Variants in WDR25 observed in about 807,000 individuals in gnomAD.
The protein encoded by WDR25 is WD repeat-containing protein 25.
In WDR25, 35 loss-of-function variants were observed where a neutral mutation model predicts 47.7. The ratio of observed to expected loss-of-function variants is 0.73; its 90% CI spans 0.56 to 0.97. The LOEUF (loss-of-function observed/expected upper bound fraction) is 0.97. WDR25 is among the 50% of genes least tolerant of loss of function. The pLI, the probability that WDR25 is intolerant of heterozygous loss-of-function variation, is 0.00. For missense variants in WDR25, 634 were observed against 704.7 expected (o/e 0.90, Z 1.14); for synonymous variants, 248 against 278.9 (o/e 0.89, Z 1.10).
At chr14:100,504,923 G>A (rs949228475) in intron 4 of WDR25, among the ~76,000 whole-genome samples, 1 of 152,084 alleles carries the variant, frequency 6.6e-6, no homozygotes, top group African/African-American at 2.4e-5. Context: ...TTATTTTAGT[G>A]GGTGTGTAGT....
At chr14:100,459,832 T>C (rs1158599206) in intron 2 of WDR25, among the ~76,000 whole-genome samples, 1 of 147,416 alleles carries the variant, frequency 6.8e-6, no homozygotes, top group African/African-American at 2.5e-5. Context: ...CAGTTTATGG[T>C]ACTCTAGTCA....
intron 2 of WDR25, among the ~76,000 whole-genome samples, chr14:100,401,167 C>T (rs1015544121): frequency 1.3e-5 from 2 of 152,186 alleles, no homozygotes; most frequent in African/African-American, 4.8e-5. Flanking sequence ...CTCCGGGGCG[C>T]GTCGGCGGCT....
intron 2 of WDR25, among the ~76,000 whole-genome samples, chr14:100,427,745 G>C (rs929189972): frequency 1.3e-5 from 2 of 152,260 alleles, no homozygotes. Flanking sequence ...GAGAGAAATA[G>C]CTTCTGGCAG....
intron 2 of WDR25, among the ~76,000 whole-genome samples, chr14:100,413,728 AT>A (rs1409478468): frequency 6.6e-6 from 1 of 151,966 alleles, no homozygotes; most frequent in African/African-American, 2.4e-5. Context: ...ATTACTTTGA[AT>A]GGCAAAAACC....
At position 100,488,058 on chromosome 14, in the gene WDR25, T is replaced by C. The variant is rs1175059595; in HGVS notation, c.1101+3934T>C. Among the ~76,000 whole-genome samples, 1 of 152,206 alleles carries C rather than the reference T, an allele frequency of 6.6e-6. No homozygotes were observed. The highest frequency in any genetic ancestry group is 1.5e-5 in the Non-Finnish European group (1 of 68,046). On this transcript the variant is annotated intron_variant, in intron 4 of 6. Coordinates refer to ENST00000402312, the MANE Select transcript of WDR25 (RefSeq NM_001161476.3). The surrounding 1 kb of genome is among the most constrained non-coding windows in gnomAD (Gnocchi z 4.2). ...AGTGCTAAGTGTCAAGATTCTGGAC[T>C]TCTCTAGTCTAGCCCAATTCATTAC...
intron 4 of WDR25, among the ~76,000 whole-genome samples, chr14:100,501,363 G>A (rs1900917018): frequency 6.6e-6 from 1 of 152,094 alleles, no homozygotes; most frequent in Non-Finnish European, 1.5e-5. Flanking sequence ...TGCCCTCCAC[G>A]AGCTCATGAT....
chr14:100,529,500 A>G lies in WDR25; in HGVS notation c.1413+292A>G. The G allele has an allele frequency of 1.7e-6, 1 of 591,384 alleles. No homozygotes were observed. Among genetic ancestry groups the G allele is most frequent in the Admixed American group, 3.1e-5 (1 of 32,714 alleles). The allele number at this position is 591,384 out of a possible 1,614,324, so 36.6% of individuals were successfully genotyped here. A position where few individuals can be genotyped will look rare whatever the true frequency, so the allele number is the denominator to read the frequency against. ...AAATGGTCATGGGTGTCATTTCTGCATCCTTCCCTTTCCTCACTGAGGCCA... is the reference window on the plus strand; with the variant it reads ...AAATGGTCATGGGTGTCATTTCTGCGTCCTTCCCTTTCCTCACTGAGGCCA... On this transcript the variant is annotated intron_variant, in intron 6 of 6. Coordinates refer to ENST00000402312, the MANE Select transcript of WDR25 (RefSeq NM_001161476.3). The surrounding 1 kb of genome is among the most constrained non-coding windows in gnomAD (Gnocchi z 5.1).
chr14:100,424,581 C>T lies in WDR25; in HGVS notation c.822+42835C>T, dbSNP rs1196556189. ...CAAGGGGTTTAACTGCCTGTGGAGTCTGGGGCCCAGGGCCCTGCTGCCTGT... is the reference window on the plus strand; with the variant it reads ...CAAGGGGTTTAACTGCCTGTGGAGTTTGGGGCCCAGGGCCCTGCTGCCTGT... On this transcript the variant is annotated intron_variant, in intron 2 of 6. Coordinates refer to ENST00000402312, the MANE Select transcript of WDR25 (RefSeq NM_001161476.3). This position sits in a 1 kb window ranked among gnomAD's most constrained non-coding sequence, Gnocchi z 4.2. Among the ~76,000 whole-genome samples the T allele has an allele frequency of 6.6e-6, 1 of 152,188 alleles. No homozygotes were observed. The highest frequency in any genetic ancestry group is 6.5e-5 in the Admixed American group (1 of 15,284).
chr14:100,380,967 T>A lies in WDR25; in HGVS notation c.43T>A (p.Tyr15Asn). The A allele has an allele frequency of 6.2e-7, 1 of 1,614,220 alleles. No individual in the cohort carries two copies. The highest frequency in any genetic ancestry group is 8.5e-7 in the Non-Finnish European group (1 of 1,180,030). Residue 15 changes from tyrosine to asparagine, a missense_variant, in exon 2 of 7, where the codon TAT (tyrosine) becomes AAT (asparagine). Transcript: ENST00000402312. ...TLSLMASLVA[Y>N]DDSDSEAETE... The stretch of plus-strand genomic sequence containing the variant: ...GTCTTTAATGGCTTCATTGGTAGCG[T>A]ATGATGATTCGGACTCGGAGGCTGA...
At chr14:100,477,821 G>T (rs1416332356) in intron 3 of WDR25, among the ~76,000 whole-genome samples, 1 of 152,210 alleles carries the variant, frequency 6.6e-6, no homozygotes. Flanking sequence ...GCCGGGCGCC[G>T]TGGCTCACGC....
rs1227503518 is a variant in WDR25 at position 100,428,204 on chromosome 14, G to A, written c.823-39817G>A. 1.3e-5 allele frequency among the ~76,000 whole-genome samples: 2 copies of A among 152,226 alleles called. No individual in the cohort carries two copies. The highest frequency in any genetic ancestry group is 2.9e-5 in the Non-Finnish European group (2 of 68,032). On this transcript the variant is annotated intron_variant, in intron 2 of 6. Coordinates refer to ENST00000402312, the MANE Select transcript of WDR25 (RefSeq NM_001161476.3). The surrounding 1 kb of genome is among the most constrained non-coding windows in gnomAD (Gnocchi z 4.3). ...GGCACTGACCCGTCTAGAATTCTGT[G>A]TGCGGAGTGGAGGTGAGATGCTGAG...
At chr14:100,389,641 G>A (rs79446601) in intron 2 of WDR25, among the ~76,000 whole-genome samples, 10,274 of 152,238 alleles carry the variant, frequency 0.067, 595 homozygotes, top group African/African-American at 0.16. Flanking sequence ...CCCTCTGGCA[G>A]GCTTCCTGAA....
chr14:100,408,521 G>C (rs1897611522), intron 2 of WDR25, among the ~76,000 whole-genome samples: 1 of 151,690 alleles, frequency 6.6e-6, no homozygotes, highest in African/African-American at 2.4e-5. Context: ...CGCCCCCTCT[G>C]TGCCCCCCTC....
intron 4 of WDR25, among the ~76,000 whole-genome samples, chr14:100,524,218 C>T (rs2029999677): frequency 6.6e-6 from 1 of 151,960 alleles, no homozygotes. Flanking sequence ...GGCTCCTGGG[C>T]AAGTTGCCTG....
rs780668010 is a variant in WDR25 at position 100,468,042 on chromosome 14, G to A, written c.844G>A (p.Gly282Arg). 11 of 1,612,786 alleles carry A rather than the reference G, an allele frequency of 6.8e-6. No homozygotes were observed. The highest frequency in any genetic ancestry group is 1.1e-5 in the South Asian group (1 of 91,040). Residue 282 changes from glycine (G) to arginine (R), a missense_variant, in exon 3 of 7, where the codon GGG becomes AGG. Coordinates refer to ENST00000402312, the MANE Select transcript of WDR25 (RefSeq NM_001161476.3). The surrounding 1 kb of genome is among the most constrained non-coding windows in gnomAD (Gnocchi z 4.5). ...TFKVWNAVDSGHCLQTYSLHT... is the reference protein window; with the variant it reads ...TFKVWNAVDSRHCLQTYSLHT... ...GCAGGTATGGAACGCCGTGGACTCC[G>A]GGCACTGCCTGCAGACCTACTCCCT...
At chr14:100,486,047 TA>T (rs527456737) in intron 4 of WDR25, among the ~76,000 whole-genome samples, 239 of 143,688 alleles carry the variant, frequency 1.7e-3, no homozygotes, top group Middle Eastern at 7.1e-3. Flanking sequence ...ACAGTGGCAT[TA>T]AAAAAAAAAA....
chr14:100,491,291 A>G (rs1900555801), intron 4 of WDR25, among the ~76,000 whole-genome samples: 1 of 152,164 alleles, frequency 6.6e-6, no homozygotes, highest in Non-Finnish European at 1.5e-5. Context: ...GTGGGGCAAG[A>G]CTGTGAACTG....
intron 3 of WDR25, among the ~76,000 whole-genome samples, chr14:100,474,919 G>T (rs1899966915): frequency 6.6e-6 from 1 of 152,198 alleles, no homozygotes; most frequent in African/African-American, 2.4e-5. Flanking sequence ...TATGGAAAAT[G>T]CATGAGGAAC....
rs1299815935 is a variant in WDR25 at position 100,381,552 on chromosome 14, C to T, written c.628C>T (p.Pro210Ser). Residue 210 changes from proline (P) to serine (S), a missense_variant, in exon 2 of 7, where the codon CCT (proline) becomes TCT (serine). Transcript: ENST00000402312. ...GCCCCCTGCAGGGCGTGCCCCAGCC[C>T]CTCTCTACGTGGGCCCGGGAGTGTC... ...QGPPAGRAPAPLYVGPGVSEF... is the reference protein window; with the variant it reads ...QGPPAGRAPASLYVGPGVSEF... The T allele has an allele frequency of 6.2e-7, 1 of 1,613,910 alleles. No individual in the cohort carries two copies. The highest frequency in any genetic ancestry group is 1.7e-5 in the Admixed American group (1 of 60,006).
Sources: allele counts gnomAD v4.1 joint callset (sites outside exome capture counted in the v4.1 genomes callset), GRCh38; gene constraint gnomAD v4.1.1; non-coding constraint Gnocchi (gnomAD v3.1); transcripts MANE v1.5; gene names NCBI Gene and HGNC (gene_info 2026-07-23, HGNC 2026-07-21).